The following CCNB3 variants were observed in gnomAD, a reference collection of about 807,000 sequenced individuals.
CCNB3 encodes the protein G2/mitotic-specific cyclin-B3.
A neutral mutation model predicts 68.0 loss-of-function variants in CCNB3; 12 were observed. That is an observed-to-expected ratio of 0.18 (90% CI 0.11 to 0.29). CCNB3 has a LOEUF of 0.29. CCNB3 is among the 10% of genes least tolerant of loss of function. The pLI, the probability that CCNB3 is intolerant of heterozygous loss-of-function variation, is 1.00. For missense variants in CCNB3, 904 were observed against 993.1 expected, an observed-to-expected ratio of 0.91 and a Z score of 1.21; for synonymous variants, 354 against 388.9, an observed-to-expected ratio of 0.91 and a Z score of 1.06.
chrX:50,311,352 C>T lies in CCNB3; in HGVS notation c.3183C>T (p.Ser1061=), dbSNP rs1557214967. The T allele has an allele frequency of 2.5e-6, 3 of 1,211,055 alleles. No homozygotes were observed. Among genetic ancestry groups the T allele is most frequent in the Non-Finnish European group, 3.4e-6 (3 of 895,273 alleles). ...TTGGAACCAGCCCATATGTGTTTAG[C>T]ACCACCCCTGAATCCATAACAGAGA... ...PQIGTSPYVF[S]TTPESITEKS... The change falls in exon 6 of 13, where the codon AGC becomes AGT. Residue 1061 remains serine, a synonymous_variant. Transcript: ENST00000376042.
intron 1 of CCNB3, among the ~76,000 whole-genome samples, chrX:50,205,664 A>G (rs782349589): frequency 1.8e-5 from 2 of 111,169 alleles, no homozygotes; most frequent in East Asian, 5.7e-4. Context: ...CAAAAGAAAA[A>G]GAATTAAATA....
rs1165728614 is a variant in CCNB3 at position 50,217,762 on chromosome X, A to C, written c.-113+12812A>C. Among the ~76,000 whole-genome samples, 5 of 111,890 alleles carry C rather than the reference A, an allele frequency of 4.5e-5. No homozygotes were observed. In the East Asian group the frequency reaches 1.1e-3, roughly 25 times the overall value. ...ATTTCATTACCCTCTTGCTGCCTTC[A>C]AAGTTTTTTTCTGTGTTGTTAAGTT... On this transcript the variant is annotated intron_variant, in intron 1 of 12. Coordinates refer to ENST00000376042, the MANE Select transcript of CCNB3 (RefSeq NM_033031.3).
chrX:50,280,020 G>T (rs1184397973), intron 1 of CCNB3, among the ~76,000 whole-genome samples: 1 of 73,829 alleles, frequency 1.4e-5, no homozygotes, highest in South Asian at 6.5e-4. Flanking sequence ...TAAATATATA[G>T]AATATATATA....
intron 5 of CCNB3, among the ~76,000 whole-genome samples, chrX:50,300,626 C>T (rs1472402782): frequency 1.8e-5 from 2 of 111,159 alleles, no homozygotes; most frequent in African/African-American, 6.5e-5. Context: ...AGTTGCTCTT[C>T]TCGAGGAGTA....
chrX:50,297,720 A>G (rs1321081266), intron 5 of CCNB3, among the ~76,000 whole-genome samples: 4 of 110,640 alleles, frequency 3.6e-5, no homozygotes, highest in East Asian at 2.8e-4. Context: ...ATTACCTTGG[A>G]CAGTATGGCC....
chrX:50,315,528 TA>T (rs1921680042), intron 8 of CCNB3, among the ~76,000 whole-genome samples: 1 of 111,746 alleles, frequency 8.9e-6, no homozygotes, highest in South Asian at 3.7e-4. Flanking sequence ...GGCACAACTA[TA>T]GTATAGTGTC....
rs782608055 is a variant in CCNB3, at chrX:50,302,074, G to A, written c.336-6431G>A. ...AGGAAAGGGAATTCCCTGACCCCTT[G>A]CACTTCCTGGGTGAGGTGATGCTTC... On this transcript the variant is annotated intron_variant, in intron 5 of 12. Transcript: ENST00000376042. Among the ~76,000 whole-genome samples, 12 of 112,704 alleles carry A rather than the reference G, an allele frequency of 1.1e-4. No individual in the cohort carries two copies. In the South Asian group the frequency reaches 3.7e-3, roughly 35 times the overall value.
At chrX:50,301,643 C>T (rs938759200) in intron 5 of CCNB3, among the ~76,000 whole-genome samples, 16 of 112,157 alleles carry the variant, frequency 1.4e-4, no homozygotes, top group African/African-American at 4.2e-4. Context: ...CTGGGAGAAC[C>T]ACTACTCTCT....
At chrX:50,308,315 T>G (rs150677828) in intron 5 of CCNB3, among the ~76,000 whole-genome samples, 190 bp from the exon 6 acceptor site, 150 of 112,259 alleles carry the variant, frequency 1.3e-3, no homozygotes, top group African/African-American at 4.6e-3. Context: ...ATCTAGGCCA[T>G]AGAAACTATA....
At position 50,326,964 on chromosome X, in the gene CCNB3, A is replaced by G. The variant is rs148446748; in HGVS notation, c.3516+13016A>G. ...ACTACGAGTACTCTTTATATGTTCT[A>G]TAGTTTTGATTTATTTGTTACTTTC... On this transcript the variant is annotated intron_variant, in intron 8 of 12. Coordinates refer to ENST00000376042, the MANE Select transcript of CCNB3 (RefSeq NM_033031.3). Among the ~76,000 whole-genome samples the G allele has an allele frequency of 8.4e-3, 937 of 112,006 alleles. 8 individuals carry two copies. Among genetic ancestry groups the G allele is most frequent in the African/African-American group, 0.028 (878 of 30,863 alleles).
rs782593661 is a variant in CCNB3, at chrX:50,295,009, C to G, written c.335+16C>G. On this transcript the variant is annotated intron_variant, in intron 5 of 12. Transcript: ENST00000376042. ...ATCTAAAATGGTGAGTGAAAGGGGA[C>G]TCAGATGGCATTATTTTAGATGGTA... The G allele has an allele frequency of 3.4e-6, 4 of 1,191,826 alleles. No homozygotes were observed. Among genetic ancestry groups the G allele is most frequent in the Non-Finnish European group, 4.5e-6 (4 of 883,630 alleles).
chrX:50,227,830 AAT>A (rs1388744871), intron 1 of CCNB3, among the ~76,000 whole-genome samples: 1 of 84,729 alleles, frequency 1.2e-5, no homozygotes, highest in East Asian at 3.2e-4. Flanking sequence ...AGAATATATA[AAT>A]ATATATAGAG....
chrX:50,205,404 G>A (rs1557205329), intron 1 of CCNB3, among the ~76,000 whole-genome samples: 1 of 111,757 alleles, frequency 8.9e-6, no homozygotes, highest in Non-Finnish European at 1.9e-5. Context: ...TGGTGCCACT[G>A]CACTCCATCC....
At chrX:50,283,892 T>A (rs1475612216) in intron 1 of CCNB3, among the ~76,000 whole-genome samples, 2 of 110,703 alleles carry the variant, frequency 1.8e-5, no homozygotes, top group Non-Finnish European at 3.8e-5. Flanking sequence ...TTCTTTTTTT[T>A]TTTTAGTTTG....
intron 1 of CCNB3, among the ~76,000 whole-genome samples, chrX:50,214,508 A>ATT (rs1935535332): frequency 1.7e-4 from 12 of 68,748 alleles, no homozygotes; most frequent in Non-Finnish European, 2.6e-4. Flanking sequence ...ATATATATAT[A>ATT]TTTTAGCTGT....
intron 8 of CCNB3, among the ~76,000 whole-genome samples, chrX:50,330,328 T>C (rs1439219789): frequency 9.0e-6 from 1 of 111,659 alleles, no homozygotes; most frequent in Non-Finnish European, 1.9e-5. Flanking sequence ...GGGGTCAATT[T>C]TTAACTACCA....
chrX:50,332,343 G>C (rs1557218192), intron 8 of CCNB3, among the ~76,000 whole-genome samples: 2 of 111,400 alleles, frequency 1.8e-5, no homozygotes, highest in East Asian at 5.6e-4. Context: ...ATATAAACAT[G>C]TTCCTTTTAA....
At chrX:50,300,579 T>C (rs1936606456) in intron 5 of CCNB3, among the ~76,000 whole-genome samples, 1 of 111,702 alleles carries the variant, frequency 9.0e-6, no homozygotes, top group Non-Finnish European at 1.9e-5. Flanking sequence ...TTTTCCTTCA[T>C]TTCAACTTTG....
chrX:50,210,408 TTTG>T (rs1446973344), intron 1 of CCNB3, among the ~76,000 whole-genome samples: 1 of 112,259 alleles, frequency 8.9e-6, no homozygotes, highest in African/African-American at 3.2e-5. Flanking sequence ...AATAATTTTT[TTTG>T]TTGTTGTTGA....
Sources: gnomAD v4.1 joint callset for allele counts (sites outside exome capture counted in the v4.1 genomes callset) on GRCh38, gnomAD v4.1.1 for gene constraint, MANE v1.5 for transcripts, NCBI Gene and HGNC (gene_info 2026-07-23, HGNC 2026-07-21) for gene names.